The following TM7SF2 variants were observed in gnomAD, a reference collection of about 807,000 sequenced individuals.
TM7SF2 encodes the protein delta(14)-sterol reductase TM7SF2.
Under a neutral mutation model 51.0 loss-of-function variants are expected in TM7SF2, and 51 were observed. That is an observed-to-expected ratio of 1.00 (90% CI 0.80 to 1.26). The LOEUF (loss-of-function observed/expected upper bound fraction) is 1.26, where lower values mean the gene tolerates loss of function less well. Ranked by LOEUF, TM7SF2 falls within the 50% of genes most tolerant of loss-of-function variation. The pLI, the probability that TM7SF2 is intolerant of heterozygous loss-of-function variation, is 0.00. For missense variants in TM7SF2, 541 were observed against 547.4 expected (o/e 0.99, Z 0.12); for synonymous variants, 255 against 241.0 (o/e 1.06, Z -0.54).
Position 65,111,922 on chromosome 11 carries a change from C to A in TM7SF2, c.-94C>A. The A allele has an allele frequency of 7.2e-7, 1 of 1,387,942 alleles. No homozygotes were observed. The highest frequency in any genetic ancestry group is 1.0e-6 in the Non-Finnish European group (1 of 1,000,222). The allele number at this position is 1,387,942 out of a possible 1,614,324, so 86.0% of individuals were successfully genotyped here. ...GCAGGCGCCGCGGGGCCGGATCCTC[C>A]GCGCGGCCGAGTCCATCTCCTGGGA... On this transcript the variant is annotated 5_prime_UTR_variant, in exon 1 of 10. Transcript: ENST00000279263.
At chr11:65,112,470 TG>T (rs1344141575) in intron 1 of TM7SF2, 44 bp from the exon 2 acceptor site, 17 of 1,473,064 alleles carry the variant, frequency 1.2e-5, no homozygotes, top group Non-Finnish European at 1.5e-5. Flanking sequence ...GGCGGGGAGC[TG>T]GGGGGCTAGG....
rs1565325067 is a variant in TM7SF2 at position 65,115,399 on chromosome 11, G to T, written c.973+5G>T. The stretch of plus-strand genomic sequence containing the variant: ...CTTCTGACCCCAGAGTGGCTGGTGA[G>T]CTGGTTCTCTAGGGCCATGGGTGAG... On this transcript the variant is annotated splice_donor_5th_base_variant and intron_variant, in intron 8 of 9. Coordinates refer to ENST00000279263, the MANE Select transcript of TM7SF2 (RefSeq NM_003273.6). 29 of 1,614,186 alleles carry T rather than the reference G, an allele frequency of 1.8e-5. No homozygotes were observed. The highest frequency in any genetic ancestry group is 2.5e-5 in the Non-Finnish European group (29 of 1,180,014).
chr11:65,116,075 G>A lies in TM7SF2; in HGVS notation c.*22G>A, dbSNP rs1046912. The A allele has an allele frequency of 6.9e-3, 11,079 of 1,594,648 alleles. 204 individuals carry two copies. Among genetic ancestry groups the A allele is most frequent in the African/African-American group, 0.056 (4,184 of 74,784 alleles). On this transcript the variant is annotated 3_prime_UTR_variant, in exon 10 of 10. Transcript: ENST00000279263. ...CTGAAGCGGCTCCACCACCCCAGGT[G>A]GGGGCATGTGCCCACTCATCCACCA...
In TM7SF2 at chr11:65,113,208, G is replaced by C. The variant is rs1390242896; in HGVS notation, c.305-12G>C. 6.3e-7 allele frequency: 1 copy of C among 1,586,860 alleles called. No individual in the cohort carries two copies. The highest frequency in any genetic ancestry group is 1.1e-5 in the South Asian group (1 of 89,388). On this transcript the variant is annotated splice_polypyrimidine_tract_variant and intron_variant, in intron 3 of 9. Coordinates refer to ENST00000279263, the MANE Select transcript of TM7SF2 (RefSeq NM_003273.6). ...CGCGCAGCCCCAGGGCTCACTGTGCGCTGTGGTTCAGGCTTCCAGGCCCTG... is the reference window on the plus strand; with the variant it reads ...CGCGCAGCCCCAGGGCTCACTGTGCCCTGTGGTTCAGGCTTCCAGGCCCTG...
chr11:65,115,256 G>C, intron 7 of TM7SF2, 58 bp from the exon 8 acceptor site: 1 of 1,602,114 alleles, frequency 6.2e-7, no homozygotes, highest in Non-Finnish European at 8.5e-7. Context: ...AGATGTTCGG[G>C]GTCAGGCAGG....
intron 5 of TM7SF2, chr11:65,113,894 A>C (rs1249997744): frequency 2.4e-6 from 1 of 425,024 alleles, no homozygotes; most frequent in Non-Finnish European, 4.3e-6. Flanking sequence ...TCTCAACAGC[A>C]GTCAAGCACA....
rs376487559 is a variant in TM7SF2, at chr11:65,115,598, G to A, written c.1096G>A (p.Gly366Arg). The A allele has an allele frequency of 3.1e-5, 50 of 1,613,848 alleles. No individual in the cohort carries two copies. Among genetic ancestry groups the A allele is most frequent in the Middle Eastern group, 1.7e-4 (1 of 6,030 alleles). ...IMALAWSLPC[G>R]VSHLLPYFYL... ...GGCTCTGGCTTGGTCCTTGCCCTGC[G>A]GTGAGTGGCCCATGTGGATATGGGT... The change falls in exon 9 of 10, where the codon GGG (glycine) becomes AGG (arginine). Residue 366 changes from glycine to arginine, a missense_variant and splice_region_variant. Gly to Arg is a moderately radical substitution (Grantham distance 125). Coordinates refer to ENST00000279263, the MANE Select transcript of TM7SF2 (RefSeq NM_003273.6).
chr11:65,114,278 G>A (rs75382667), intron 5 of TM7SF2, among the ~76,000 whole-genome samples: 5,221 of 150,334 alleles, frequency 0.035, 145 homozygotes, highest in East Asian at 0.076. Flanking sequence ...AGTGTCAAAT[G>A]CAGGCGCCCA....
chr11:65,113,452 G>A, intron 4 of TM7SF2, 38 bp downstream of exon 4: 2 of 1,613,802 alleles, frequency 1.2e-6, no homozygotes, highest in Non-Finnish European at 1.7e-6. Context: ...AGGCAGATTG[G>A]GGCGTCTGCC....
At chr11:65,115,694 T>TA in intron 9 of TM7SF2, 96 bp downstream of exon 9, 1 of 1,602,864 alleles carries the variant, frequency 6.2e-7, no homozygotes, top group Non-Finnish European at 8.5e-7. Flanking sequence ...CCAGTGAGAG[T>TA]AGTCAGAGAG....
intron 9 of TM7SF2, 57 bp downstream of exon 9, chr11:65,115,655 G>T: frequency 6.2e-7 from 1 of 1,611,238 alleles, no homozygotes; most frequent in South Asian, 1.1e-5. Context: ...GTGGCTCAGC[G>T]ACCACAGGAT....
chr11:65,113,163 G>A, intron 3 of TM7SF2, 57 bp from the exon 4 acceptor site: 2 of 1,482,352 alleles, frequency 1.3e-6, no homozygotes, highest in Non-Finnish European at 1.8e-6. Flanking sequence ...GCGTGTGTTT[G>A]CGGGGTGGGG....
chr11:65,115,802 G>T, intron 9 of TM7SF2, 91 bp from the exon 10 acceptor site: 1 of 1,601,762 alleles, frequency 6.2e-7, no homozygotes, highest in Non-Finnish European at 8.5e-7. Flanking sequence ...GCTGAGCCCC[G>T]ATGCCCACAT....
rs750770040 is a variant in TM7SF2, at chr11:65,112,580, G to C, written c.118G>C (p.Gly40Arg). The C allele has an allele frequency of 1.9e-4, 291 of 1,521,242 alleles. No homozygotes were observed. Among genetic ancestry groups the C allele is most frequent in the Non-Finnish European group, 2.5e-4 (288 of 1,142,784 alleles). 94.2% of individuals were successfully genotyped at this position (1,521,242 alleles called of 1,614,324 possible). ...CCACCTGCTCCTGGCGGCCCGTTCG[G>C]GCCCCGCGCGCCTGCTGGGTCCACC... ...MFHLLLAARS[G>R]PARLLGPPAS... is the part of the protein sequence containing the mutation. The change falls in exon 2 of 10, where the codon GGC becomes CGC. Residue 40 changes from glycine (G) to arginine (R), a missense_variant. Physicochemically the swap from Gly to Arg is moderately radical, Grantham distance 125. Transcript: ENST00000279263.
rs201258810 is a variant in TM7SF2, at chr11:65,115,365, G to A, written c.944G>A (p.Arg315Gln). 6.4e-5 allele frequency: 104 copies of A among 1,614,202 alleles called. 1 individual carries two copies. In the African/African-American group the frequency reaches 9.1e-4, roughly 14 times the overall value. Residue 315 changes from arginine to glutamine, a missense_variant, in exon 8 of 10, where the codon CGA (arginine) becomes CAA (glutamine). Coordinates refer to ENST00000279263, the MANE Select transcript of TM7SF2 (RefSeq NM_003273.6). ...GCGAATTCCCAGAAAAACACTTTCCGAAAGAATCCTTCTGACCCCAGAGTG... is the reference window on the plus strand; with the variant it reads ...GCGAATTCCCAGAAAAACACTTTCCAAAAGAATCCTTCTGACCCCAGAGTG... ...RGANSQKNTF[R>Q]KNPSDPRVAG...
rs756165697 is a variant in TM7SF2 at position 65,116,072 on chromosome 11, G to C, written c.*19G>C. On this transcript the variant is annotated 3_prime_UTR_variant, in exon 10 of 10. Transcript: ENST00000279263. ...CTACTGAAGCGGCTCCACCACCCCA[G>C]GTGGGGGCATGTGCCCACTCATCCA... 1.9e-6 allele frequency: 3 copies of C among 1,596,216 alleles called. No homozygotes were observed. Among genetic ancestry groups the C allele is most frequent in the Non-Finnish European group, 2.6e-6 (3 of 1,174,282 alleles).
At chr11:65,114,890 G>T (rs781752283) in intron 6 of TM7SF2, 23 bp from the exon 7 acceptor site, 1 of 1,614,182 alleles carries the variant, frequency 6.2e-7, no homozygotes, top group South Asian at 1.1e-5. Flanking sequence ...CTAAGCCAGT[G>T]TGTCTGGGTC....
Position 65,114,918 on chromosome 11 carries a change from C to T in TM7SF2, c.729C>T (p.Ala243=), listed in dbSNP as rs768796457. 3.2e-5 allele frequency: 52 copies of T among 1,613,970 alleles called. No individual in the cohort carries two copies. Among genetic ancestry groups the T allele is most frequent in the South Asian group, 3.3e-5 (3 of 91,080 alleles). The change falls in exon 7 of 10, where the codon GCC becomes GCT. Residue 243 remains alanine, a synonymous_variant. Coordinates refer to ENST00000279263, the MANE Select transcript of TM7SF2 (RefSeq NM_003273.6). ...YVGDALWHEE[A]VLTTMDITHD... ...TCTGGGTCTTGTCCCTGCAGGAGGC[C>T]GTCCTCACCACCATGGATATCACAC... is the stretch of plus-strand genomic sequence containing the variant.
Position 65,112,606 on chromosome 11 carries a change from C to T in TM7SF2, c.144C>T (p.Pro48=), listed in dbSNP as rs754962825. The T allele has an allele frequency of 5.3e-6, 8 of 1,517,432 alleles. No individual in the cohort carries two copies. The South Asian group carries it at 8.6e-5, about 16-fold the overall frequency. 94.0% of individuals were successfully genotyped at this position (1,517,432 alleles called of 1,614,324 possible). ...RSGPARLLGP[P]ASLPGLEVLW... ...GCCCCGCGCGCCTGCTGGGTCCACC[C>T]GCGTCCCTGCCGGGGCTGGAGGTGC... is the stretch of plus-strand genomic sequence containing the variant. The change falls in exon 2 of 10, where the codon CCC becomes CCT. Residue 48 remains proline (P), a synonymous_variant. Coordinates refer to ENST00000279263, the MANE Select transcript of TM7SF2 (RefSeq NM_003273.6).
Sources: gnomAD v4.1 joint callset for allele counts (sites outside exome capture counted in the v4.1 genomes callset) on GRCh38, gnomAD v4.1.1 for gene constraint, MANE v1.5 for transcripts, NCBI Gene and HGNC (gene_info 2026-07-23, HGNC 2026-07-21) for gene names.